Variants in UBR2 observed in about 807,000 individuals in gnomAD.
UBR2 encodes ubiquitin protein ligase E3 component n-recognin 2.
In UBR2, 92 loss-of-function variants were observed where a neutral mutation model predicts 247.9. The observed-to-expected ratio is 0.37, with a 90% CI of 0.31 to 0.44. The LOEUF (loss-of-function observed/expected upper bound fraction) is 0.44. Ranked by LOEUF, UBR2 falls within the 20% of genes least tolerant of loss-of-function variation. The pLI is 1.00. For missense variants in UBR2, 1,613 were observed against 2,112.6 expected, an observed-to-expected ratio of 0.76 and a Z score of 4.64; for synonymous variants, 672 against 693.5, an observed-to-expected ratio of 0.97 and a Z score of 0.49.
intron 1 of UBR2, 139 bp from the exon 2 acceptor site, chr6:42,573,595 G>C: frequency 1.1e-6 from 1 of 911,818 alleles, no homozygotes; most frequent in Non-Finnish European, 1.5e-6. Flanking sequence ...AATTTCTAAC[G>C]TACGGTGGTG....
At chr6:42,641,559 T>G (rs1796451041) in intron 16 of UBR2, 23 bp from the exon 17 acceptor site, 1 of 1,562,164 alleles carries the variant, frequency 6.4e-7, no homozygotes, top group Non-Finnish European at 8.6e-7. Flanking sequence ...TGTTTTCTGT[T>G]TTTTTATTTT....
intron 7 of UBR2, 110 bp from the exon 8 acceptor site, chr6:42,612,061 G>T: frequency 1.0e-6 from 1 of 998,158 alleles, no homozygotes. Flanking sequence ...CCATGAAAAA[G>T]TCTCCTATGA....
At chr6:42,594,374 T>C in intron 4 of UBR2, 70 bp downstream of exon 4, 2 of 1,203,546 alleles carry the variant, frequency 1.7e-6, no homozygotes, top group Non-Finnish European at 2.4e-6. Flanking sequence ...CATTAGATGA[T>C]GTGAGAAATG....
chr6:42,623,257 C>G (rs1795115439), intron 11 of UBR2, among the ~76,000 whole-genome samples: 1 of 151,996 alleles, frequency 6.6e-6, no homozygotes, highest in African/African-American at 2.4e-5. Context: ...TATAGATACT[C>G]TTTTATCAGA....
chr6:42,614,440 G>GTACATACATACGTATATATGTATGTATA (rs1160238094), intron 8 of UBR2, among the ~76,000 whole-genome samples: 1 of 149,674 alleles, frequency 6.7e-6, no homozygotes, highest in Non-Finnish European at 1.5e-5. Context: ...ATGTATGTAC[G>GTACATACATACGTATATATGTATGTATA]TACATATATA....
At chr6:42,636,189 T>G (rs925797363) in intron 14 of UBR2, among the ~76,000 whole-genome samples, 15 of 150,238 alleles carry the variant, frequency 1.0e-4, no homozygotes, top group Admixed American at 4.6e-4. Flanking sequence ...TTTGTTTTTT[T>G]TTTTTTTGAG....
At chr6:42,676,708 AT>A in intron 39 of UBR2, 74 bp from the exon 40 acceptor site, 2 of 1,134,890 alleles carry the variant, frequency 1.8e-6, no homozygotes, top group Non-Finnish European at 1.3e-6. Flanking sequence ...ATATATTTGC[AT>A]GCTTAATGTC....
At chr6:42,672,238 G>T (rs1798487688) in intron 36 of UBR2, among the ~76,000 whole-genome samples, 2 of 151,988 alleles carry the variant, frequency 1.3e-5, no homozygotes, top group African/African-American at 4.8e-5. Flanking sequence ...TCACCATGTT[G>T]GCCAGGCTGG....
intron 13 of UBR2, among the ~76,000 whole-genome samples, chr6:42,634,681 C>G (rs780433485): frequency 4.6e-5 from 7 of 152,238 alleles, no homozygotes; most frequent in Admixed American, 2.6e-4. Context: ...TCTTGAATTC[C>G]TGACCTCAAG....
rs764978949 is a variant in UBR2 at position 42,650,389 on chromosome 6, A to G, written c.2565+3A>G. ...TTTCAAGGGCAGAACAGTCCAAGGT[A>G]ATTGGGAAAATTAAAAATGTAGCAG... On this transcript the variant is annotated splice_donor_region_variant and intron_variant, in intron 23 of 46. Transcript: ENST00000372901. The G allele has an allele frequency of 1.4e-5, 23 of 1,604,270 alleles. No homozygotes were observed. The highest frequency in any genetic ancestry group is 1.9e-5 in the Non-Finnish European group (22 of 1,174,082).
chr6:42,658,176 A>T, intron 27 of UBR2, 43 bp downstream of exon 27: 12 of 1,611,338 alleles, frequency 7.4e-6, no homozygotes, highest in Non-Finnish European at 1.0e-5. Context: ...GAAATATTGA[A>T]TATTTGTTAT....
intron 4 of UBR2, among the ~76,000 whole-genome samples, chr6:42,601,999 A>C (rs1186862711): frequency 1.0e-5 from 1 of 96,580 alleles, no homozygotes; most frequent in Non-Finnish European, 2.3e-5. Flanking sequence ...CCTCCTAAGT[A>C]GCTGGGATTA....
In UBR2 at chr6:42,573,794, C is replaced by G; in HGVS notation, c.139C>G (p.Pro47Ala). The change falls in exon 2 of 47, where the codon CCC becomes GCC. Residue 47 changes from proline to alanine, a missense_variant. By Grantham distance (27) the Pro-to-Ala change is conservative. Around this residue, in one of 3 missense-constraint regions of UBR2, gnomAD observed 1,524 missense variants for 1,967.3 expected, o/e 0.77. Transcript: ENST00000372901. ...GTACCAGCATTTAGCCCACTATGTA[C>G]CCAAAATCTACTGCAGGGGTCCCAA... ...EVYQHLAHYV[P>A]KIYCRGPNPF... is the part of the protein sequence containing the mutation. 1 of 1,612,652 alleles carries G rather than the reference C, an allele frequency of 6.2e-7. No individual in the cohort carries two copies. Among genetic ancestry groups the G allele is most frequent in the Non-Finnish European group, 8.5e-7 (1 of 1,179,280 alleles).
rs1384628498 is a variant in UBR2, at chr6:42,641,623, A to G, written c.1962A>G (p.Arg654=). 1.2e-6 allele frequency: 2 copies of G among 1,603,960 alleles called. No homozygotes were observed. Among genetic ancestry groups the G allele is most frequent in the Non-Finnish European group, 1.7e-6 (2 of 1,176,842 alleles). The change falls in exon 17 of 47, where the codon AGA becomes AGG. Residue 654 remains arginine, a synonymous_variant. Coordinates refer to ENST00000372901, the MANE Select transcript of UBR2 (RefSeq NM_001363705.2). ...SPPMLIEHPL[R]CLVLCAQVHA... is the part of the protein sequence containing the mutation. ...CCATGTTGATAGAACACCCTCTTAG[A>G]TGTCTTGTTCTGTGTGCCCAAGTAC... is the stretch of plus-strand genomic sequence containing the variant.
At chr6:42,632,440 G>T in intron 11 of UBR2, 112 bp from the exon 12 acceptor site, 1 of 902,376 alleles carries the variant, frequency 1.1e-6, no homozygotes, top group Non-Finnish European at 1.6e-6. Context: ...ATATATAGTT[G>T]TGTTGAAAAA....
chr6:42,649,736 G>T (rs1797001150), intron 22 of UBR2, among the ~76,000 whole-genome samples: 1 of 151,560 alleles, frequency 6.6e-6, no homozygotes, highest in Non-Finnish European at 1.5e-5. Context: ...CTATCTTATT[G>T]TTCCGAAAGT....
rs867866972 is a variant in UBR2 at position 42,652,644 on chromosome 6, G to A, written c.2768G>A (p.Arg923Lys). The A allele has an allele frequency of 6.8e-6, 11 of 1,607,510 alleles. No individual in the cohort carries two copies. In the Middle Eastern group the frequency reaches 6.6e-4, roughly 97 times the overall value. The change falls in exon 25 of 47, where the codon AGG becomes AAG. Residue 923 changes from arginine to lysine, a missense_variant and splice_region_variant. Arg to Lys is a conservative substitution (Grantham distance 26, BLOSUM62 2). Coordinates refer to ENST00000372901, the MANE Select transcript of UBR2 (RefSeq NM_001363705.2). ...GYAWSESMLQ[R>K]VLHLIGMALQ... ...GCCTGGTCAGAGTCCATGCTGCAAA[G>A]GGTAGGTTTGAAGACATTTATTATT...
intron 2 of UBR2, among the ~76,000 whole-genome samples, chr6:42,588,276 G>C (rs1408539530): frequency 1.3e-5 from 2 of 152,232 alleles, no homozygotes; most frequent in Non-Finnish European, 2.9e-5. Context: ...GTGGGAGAAA[G>C]GGTGAGGAGC....
Position 42,592,154 on chromosome 6 carries a change from C to G in UBR2, c.342C>G (p.Asp114Glu), listed in dbSNP as rs766794979. The change falls in exon 3 of 47, where the codon GAC becomes GAG. Residue 114 changes from aspartate to glutamate, a missense_variant. Transcript: ENST00000372901. ...KVGEPTYSCR[D>E]CAVDPTCVLC... Reference sequence around the variant, plus strand: ...TTTTTTTTTTTTAACTTTACAGAGACTGTGCAGTTGATCCAACTTGTGTTT... The same window carrying G: ...TTTTTTTTTTTTAACTTTACAGAGAGTGTGCAGTTGATCCAACTTGTGTTT... 6.2e-7 allele frequency: 1 copy of G among 1,600,310 alleles called. No homozygotes were observed. Among genetic ancestry groups the G allele is most frequent in the Non-Finnish European group, 8.5e-7 (1 of 1,176,008 alleles).
Sources: allele counts gnomAD v4.1 joint callset (sites outside exome capture counted in the v4.1 genomes callset), GRCh38; gene constraint gnomAD v4.1.1; regional missense constraint gnomAD v4.1.1; transcripts MANE v1.5; gene names NCBI Gene and HGNC (gene_info 2026-07-23, HGNC 2026-07-21).